Variants in NASP observed in about 807,000 individuals in gnomAD.
NASP encodes the protein nuclear autoantigenic sperm protein.
A neutral mutation model predicts 89.5 loss-of-function variants in NASP; 24 were observed. The observed-to-expected ratio is 0.27, with a 90% CI of 0.19 to 0.38. The LOEUF (loss-of-function observed/expected upper bound fraction) is 0.38. Among genes scored for constraint, NASP ranks in the 10% least tolerant of loss-of-function variants. The pLI, the probability that NASP is intolerant of heterozygous loss-of-function variation, is 1.00. For synonymous variants in NASP, 306 were observed against 324.7 expected (o/e 0.94, Z 0.62); for missense variants, 848 against 921.4 (o/e 0.92, Z 1.03).
Position 45,615,425 on chromosome 1 carries a change from C to G in NASP, c.1976C>G (p.Ser659Cys), listed in dbSNP as rs1644088981. ...GAGAAGATAGAAGATGCAAAGGAGT[C>G]TCAGCGTAGTGGGAATGTAGCTGAA... ...IREKIEDAKE[S>C]QRSGNVAELA... is the part of the protein sequence containing the mutation. The change falls in exon 11 of 15, where the codon TCT becomes TGT. Residue 659 changes from serine (S) to cysteine (C), a missense_variant. Transcript: ENST00000350030. The G allele has an allele frequency of 6.2e-7, 1 of 1,614,150 alleles. No homozygotes were observed. The highest frequency in any genetic ancestry group is 8.5e-7 in the Non-Finnish European group (1 of 1,180,028).
chr1:45,614,842 A>G, intron 9 of NASP, 171 bp from the exon 10 acceptor site: 2 of 619,734 alleles, frequency 3.2e-6, no homozygotes, highest in Non-Finnish European at 2.7e-6. Context: ...CAGCCTCAGT[A>G]GGTTTTTAAA....
intron 1 of NASP, 79 bp downstream of exon 1, chr1:45,584,284 C>T: frequency 7.3e-7 from 1 of 1,367,726 alleles, no homozygotes; most frequent in Non-Finnish European, 1.0e-6. Flanking sequence ...GGAGAAGGGG[C>T]AGACCGGTGG....
chr1:45,599,678 C>A (rs1304859293), intron 2 of NASP, among the ~76,000 whole-genome samples: 2 of 150,808 alleles, frequency 1.3e-5, no homozygotes, highest in African/African-American at 4.9e-5. Context: ...CTGCCCGCCT[C>A]AGCCTCCCAA....
At chr1:45,607,299 T>G (rs1643923430) in intron 5 of NASP, 22 bp from the exon 6 acceptor site, 1 of 1,608,870 alleles carries the variant, frequency 6.2e-7, no homozygotes, top group African/African-American at 1.3e-5. Flanking sequence ...ATGTTTATGC[T>G]TCATGTTCTT....
At position 45,617,478 on chromosome 1, in the gene NASP, G is replaced by C; in HGVS notation, c.2173G>C (p.Glu725Gln). Residue 725 changes from glutamate to glutamine, a missense_variant, in exon 14 of 15, where the codon GAG becomes CAG. Physicochemically the swap from Glu to Gln is conservative, Grantham distance 29. Coordinates refer to ENST00000350030, the MANE Select transcript of NASP (RefSeq NM_002482.4). ...LVRKKRKPEE[E>Q]SPRKDDAKKA... Reference sequence around the variant, plus strand: ...ATATCTTTAGAGGAAACCAGAGGAAGAGAGTCCCCGGAAAGATGATGCAAA... The same window carrying C: ...ATATCTTTAGAGGAAACCAGAGGAACAGAGTCCCCGGAAAGATGATGCAAA... 6.2e-7 allele frequency: 1 copy of C among 1,613,572 alleles called. No individual in the cohort carries two copies. Among genetic ancestry groups the C allele is most frequent in the Non-Finnish European group, 8.5e-7 (1 of 1,179,888 alleles).
At chr1:45,606,204 A>G (rs1643906426) in intron 4 of NASP, among the ~76,000 whole-genome samples, 1 of 152,210 alleles carries the variant, frequency 6.6e-6, no homozygotes, top group South Asian at 2.1e-4. Flanking sequence ...GTATGGTCCT[A>G]TTACAAATGG....
At position 45,608,237 on chromosome 1, in the gene NASP, G is replaced by A. The variant is rs1643944030; in HGVS notation, c.1326G>A (p.Lys442=). The A allele has an allele frequency of 6.2e-7, 1 of 1,614,080 alleles. No individual in the cohort carries two copies. The highest frequency in any genetic ancestry group is 8.5e-7 in the Non-Finnish European group (1 of 1,179,944). The change falls in exon 6 of 15, where the codon AAG becomes AAA. Residue 442 remains lysine (K), a synonymous_variant. Coordinates refer to ENST00000350030, the MANE Select transcript of NASP (RefSeq NM_002482.4). ...CAGCTGGAGATGGGGTTGATACCAA[G>A]GTAGCCCAGGGAGCTACTGAGAAAT... ...SEAAGDGVDT[K]VAQGATEKSP...
rs1557660683 is a variant in NASP, at chr1:45,607,304, GTTC to G, written c.410-14_410-12del. ...ACTCGAAGACATGTTTATGCTTCAT[GTTC>G]TTTAACCATGTAGAGGAAGCAAGGG... On this transcript the variant is annotated splice_polypyrimidine_tract_variant and intron_variant, in intron 5 of 14. Coordinates refer to ENST00000350030, the MANE Select transcript of NASP (RefSeq NM_002482.4). The G allele has an allele frequency of 6.2e-7, 1 of 1,610,594 alleles. No homozygotes were observed. Among genetic ancestry groups the G allele is most frequent in the East Asian group, 2.2e-5 (1 of 44,862 alleles).
chr1:45,606,124 G>A (rs1003472079), intron 4 of NASP, among the ~76,000 whole-genome samples: 1 of 152,136 alleles, frequency 6.6e-6, no homozygotes, highest in African/African-American at 2.4e-5. Context: ...CTCATGATTT[G>A]CCGTGAAAAT....
At chr1:45,602,457 G>A (rs1643865776) in intron 3 of NASP, 92 bp downstream of exon 3, 1 of 1,230,816 alleles carries the variant, frequency 8.1e-7, no homozygotes, top group Non-Finnish European at 1.1e-6. Flanking sequence ...AGCATGAAGA[G>A]CAAGAGTTTT....
Position 45,588,156 on chromosome 1 carries a change from T to A in NASP, c.60-3067T>A, listed in dbSNP as rs1644584715. Among the ~76,000 whole-genome samples, 8 of 152,056 alleles carry A rather than the reference T, an allele frequency of 5.3e-5. No homozygotes were observed. In the South Asian group the frequency reaches 1.7e-3, roughly 32 times the overall value. On this transcript the variant is annotated intron_variant, in intron 1 of 14. Transcript: ENST00000350030. ...TCTAACTCCGTTGCTCAGGCTGGAG[T>A]GCACTGGTGCGATCTAGGCTCACCG...
Position 45,615,001 on chromosome 1 carries a change from T to A in NASP, c.1667-12T>A. The A allele has an allele frequency of 6.2e-7, 1 of 1,605,216 alleles. No homozygotes were observed. The highest frequency in any genetic ancestry group is 8.5e-7 in the Non-Finnish European group (1 of 1,175,878). ...CTGTCCATTTACTTGCTCTTCTTTT[T>A]CTCTTTGTTAGAAAACTATGTGCAA... is the stretch of plus-strand genomic sequence containing the variant. On this transcript the variant is annotated splice_polypyrimidine_tract_variant and intron_variant, in intron 9 of 14. Transcript: ENST00000350030.
rs139429376 is a variant in NASP, at chr1:45,584,199, C to A, written c.53C>A (p.Ala18Asp). The A allele has an allele frequency of 2.0e-5, 31 of 1,589,668 alleles. No homozygotes were observed. Among genetic ancestry groups the A allele is most frequent in the African/African-American group, 4.0e-5 (3 of 74,584 alleles). Residue 18 changes from alanine to aspartate, a missense_variant, in exon 1 of 15, where the codon GCC becomes GAC. Ala to Asp is a moderately radical substitution (Grantham distance 126). Coordinates refer to ENST00000350030, the MANE Select transcript of NASP (RefSeq NM_002482.4). The stretch of plus-strand genomic sequence containing the variant: ...GCCGTCGCCGCGGAGCTGGTTTCTG[C>A]CGACAAGTAAGCGGGACTGTGGAAA... ...TAAVAAELVS[A>D]DKIEDVPAPS...
intron 2 of NASP, among the ~76,000 whole-genome samples, chr1:45,599,101 A>G (rs1371079923): frequency 6.6e-6 from 1 of 151,606 alleles, no homozygotes; most frequent in Non-Finnish European, 1.5e-5. Flanking sequence ...CTTTTTTTTT[A>G]AATAGAGAAA....
intron 1 of NASP, among the ~76,000 whole-genome samples, chr1:45,590,143 A>G (rs1387805204): frequency 1.3e-5 from 2 of 152,198 alleles, no homozygotes; most frequent in South Asian, 2.1e-4. Flanking sequence ...CATACAGACT[A>G]AAATTTGAGA....
intron 2 of NASP, among the ~76,000 whole-genome samples, chr1:45,596,840 G>A (rs562564500): frequency 6.6e-6 from 1 of 151,984 alleles, no homozygotes; most frequent in South Asian, 2.1e-4. Context: ...AAATTAGCGG[G>A]GCATGGTGGC....
intron 2 of NASP, among the ~76,000 whole-genome samples, chr1:45,599,426 CTCTTT>C (rs983468297): frequency 4.2e-4 from 63 of 150,354 alleles, no homozygotes; most frequent in African/African-American, 1.4e-3. Flanking sequence ...TTCTTTTCTT[CTCTTT>C]TCTTTTCTTT....
intron 6 of NASP, chr1:45,609,693 T>C (rs1643969586): frequency 6.6e-6 from 1 of 152,186 alleles, no homozygotes; most frequent in African/African-American, 2.4e-5. Flanking sequence ...TTGTTAGAAC[T>C]CTCATACATT....
At chr1:45,613,599 ATCT>A (rs1417823943) in intron 7 of NASP, among the ~76,000 whole-genome samples, 3 of 152,170 alleles carry the variant, frequency 2.0e-5, no homozygotes. Context: ...CTTCTGCCTC[ATCT>A]TCTCAGATAG....
Sources: gnomAD v4.1 joint callset for allele counts (sites outside exome capture counted in the v4.1 genomes callset) on GRCh38, gnomAD v4.1.1 for gene constraint, MANE v1.5 for transcripts, NCBI Gene and HGNC (gene_info 2026-07-23, HGNC 2026-07-21) for gene names.